MYLK4: variants seen among roughly 807,000 people sequenced by gnomAD.
MYLK4 encodes the protein caMLCK like.
Under a neutral mutation model 48.1 loss-of-function variants are expected in MYLK4, and 46 were observed. The ratio of observed to expected loss-of-function variants is 0.96; its 90% CI spans 0.75 to 1.22. The LOEUF is 1.22. Ranked by LOEUF, MYLK4 falls within the 50% of genes most tolerant of loss-of-function variation. The probability of loss-of-function intolerance (pLI) is 0.00; values close to 1 mark genes in which losing one functional copy is unlikely to be tolerated. For missense variants in MYLK4, 451 were observed against 486.1 expected, an observed-to-expected ratio of 0.93 and a Z score of 0.68; for synonymous variants, 170 against 180.8, an observed-to-expected ratio of 0.94 and a Z score of 0.48.
At chr6:2,683,389 TTTTGTGTGTGTGTG>T (rs1190602725) in intron 6 of MYLK4, among the ~76,000 whole-genome samples, 1 of 102,030 alleles carries the variant, frequency 9.8e-6, no homozygotes, top group African/African-American at 4.0e-5. Flanking sequence ...CTCCCCACCT[TTTTGTGTGTGTGTG>T]TGTGTGTGTG....
chr6:2,729,588 A>G (rs577236764), intron 2 of MYLK4, among the ~76,000 whole-genome samples: 1 of 152,288 alleles, frequency 6.6e-6, no homozygotes, highest in African/African-American at 2.4e-5. Context: ...GCAGGGGGCC[A>G]GGCTCCCTCA....
chr6:2,694,565 A>ATGGTGGCGGCGGTGGCAGTAGTGGTG (rs1761976206), intron 2 of MYLK4, among the ~76,000 whole-genome samples: 1 of 32,694 alleles, frequency 3.1e-5, no homozygotes, highest in Non-Finnish European at 6.2e-5. Context: ...TCGTGGTGGT[A>ATGGTGGCGGCGGTGGCAGTAGTGGTG]GTGGTAGTGC....
intron 12 of MYLK4, among the ~76,000 whole-genome samples, chr6:2,668,348 G>A (rs1391556309): frequency 6.6e-6 from 1 of 152,136 alleles, no homozygotes; most frequent in African/African-American, 2.4e-5. Context: ...TCTGACCTGG[G>A]GCCCGCACAC....
intron 2 of MYLK4, among the ~76,000 whole-genome samples, chr6:2,698,687 C>T (rs914406105): frequency 3.4e-4 from 52 of 152,098 alleles, no homozygotes; most frequent in African/African-American, 9.9e-4. Flanking sequence ...TACAAGAATA[C>T]AAAGAGATGA....
At chr6:2,752,782 A>G (rs774986496), upstream of MYLK4, among the ~76,000 whole-genome samples, 1 of 152,226 alleles carries the variant, frequency 6.6e-6, no homozygotes, top group Non-Finnish European at 1.5e-5. Flanking sequence ...TAATGACTAG[A>G]TAGAATGATC....
rs3055234 is a variant in MYLK4 at position 2,703,665 on chromosome 6, C to CT, written c.160-10807dup. ...TCAGGAAGGTTTCCCTTTGTGAATT[C>CT]TTTTTTTTTTTTTTTTTTTTTTTTG... On this transcript the variant is annotated intron_variant, in intron 2 of 12. Transcript: ENST00000274643. 3.8e-4 allele frequency among the ~76,000 whole-genome samples: 36 copies of CT among 95,130 alleles called. 3 individuals are homozygous for CT. The highest frequency in any genetic ancestry group is 8.2e-4 in the East Asian group (2 of 2,450). The allele number at this position is 95,130 out of a possible 152,430, so 62.4% of individuals were successfully genotyped here.
chr6:2,683,403 G>T (rs200653478), intron 6 of MYLK4, among the ~76,000 whole-genome samples: 23,676 of 121,522 alleles, frequency 0.19, 3,638 homozygotes, highest in South Asian at 0.28. Flanking sequence ...GTGTGTGTGT[G>T]TGTGTGTGTG....
At chr6:2,766,457 T>A in the MYLK4 span, 1 of 1,502,328 alleles carries the variant, frequency 6.7e-7, no homozygotes, top group Non-Finnish European at 9.0e-7. Flanking sequence ...GAGTGCGGCC[T>A]TGGCCGTTGG....
intron 11 of MYLK4, 52 bp from the exon 12 acceptor site, chr6:2,671,400 C>T: frequency 6.5e-7 from 1 of 1,536,122 alleles, no homozygotes; most frequent in Non-Finnish European, 9.0e-7. Flanking sequence ...TCCTTCAGGT[C>T]CTGACTTATG....
chr6:2,721,501 G>T (rs1393750876), intron 2 of MYLK4, among the ~76,000 whole-genome samples: 1 of 151,728 alleles, frequency 6.6e-6, no homozygotes, highest in Non-Finnish European at 1.5e-5. Flanking sequence ...CAACTGGATG[G>T]TTTAACACAC....
At chr6:2,764,910 G>C in the MYLK4 span, among the ~76,000 whole-genome samples, 2 of 152,292 alleles carry the variant, frequency 1.3e-5, no homozygotes, top group African/African-American at 4.8e-5. Context: ...TGCTGTTCAC[G>C]TCCAATAGAA....
chr6:2,743,216 T>C (rs774810896), intron 2 of MYLK4, among the ~76,000 whole-genome samples: 1 of 152,144 alleles, frequency 6.6e-6, no homozygotes, highest in Non-Finnish European at 1.5e-5. Context: ...ACAGGAACAA[T>C]GATTCAGACT....
intron 2 of MYLK4, among the ~76,000 whole-genome samples, chr6:2,737,616 T>C (rs1763725111): frequency 6.6e-6 from 1 of 152,032 alleles, no homozygotes; most frequent in Non-Finnish European, 1.5e-5. Context: ...TCTGACAGAA[T>C]ATGACAGGGA....
chr6:2,765,734 C>A, the MYLK4 span: 2 of 1,528,296 alleles, frequency 1.3e-6, no homozygotes, highest in Admixed American at 1.9e-5. Context: ...GCACCTGGAC[C>A]GCTGTCTGCT....
At chr6:2,726,256 G>A (rs1763271599) in intron 2 of MYLK4, among the ~76,000 whole-genome samples, 1 of 152,168 alleles carries the variant, frequency 6.6e-6, no homozygotes. Context: ...AAAGGAAAAT[G>A]TTTTGGGTTA....
At chr6:2,732,762 G>C (rs1763521299) in intron 2 of MYLK4, among the ~76,000 whole-genome samples, 1 of 152,056 alleles carries the variant, frequency 6.6e-6, no homozygotes. Context: ...TAGAGGGTTT[G>C]CAGGAACGAC....
chr6:2,733,476 G>A (rs1475894940), intron 2 of MYLK4, among the ~76,000 whole-genome samples: 1 of 152,160 alleles, frequency 6.6e-6, no homozygotes, highest in Non-Finnish European at 1.5e-5. Flanking sequence ...AGCATGGAGT[G>A]TTCACTCAGA....
intron 7 of MYLK4, chr6:2,680,646 A>G: frequency 1.1e-5 from 9 of 840,358 alleles, no homozygotes; most frequent in Non-Finnish European, 1.3e-5. Flanking sequence ...TAAATTATTC[A>G]GTATGAATTT....
Position 2,695,691 on chromosome 6 carries a change from CAG to C in MYLK4, c.160-2834_160-2833del, listed in dbSNP as rs1762034122. On this transcript the variant is annotated intron_variant, in intron 2 of 12. Transcript: ENST00000274643. ...TTTGAACCGAAGAGTTTCCAACAAA[CAG>C]AAGTTGTATTCTCCTGTCCTTTCCA... Among the ~76,000 whole-genome samples, 11 of 152,336 alleles carry C rather than the reference CAG, an allele frequency of 7.2e-5. 1 individual carries two copies. The South Asian group carries it at 2.3e-3, about 32-fold the overall frequency.
Sources: gnomAD v4.1 joint callset for allele counts (sites outside exome capture counted in the v4.1 genomes callset) on GRCh38, gnomAD v4.1.1 for gene constraint, MANE v1.5 for transcripts, NCBI Gene and HGNC (gene_info 2026-07-23, HGNC 2026-07-21) for gene names.